The following RETREG1 variants were observed in gnomAD, a reference collection of about 807,000 sequenced individuals.
RETREG1 encodes reticulophagy regulator 1.
RETREG1 carries 44 observed loss-of-function variants against 54.8 expected under a neutral mutation model. The observed-to-expected ratio is 0.80, with a 90% CI of 0.63 to 1.03. The LOEUF is 1.03. RETREG1 is among the 50% of genes least tolerant of loss of function. The pLI, the probability that RETREG1 is intolerant of heterozygous loss-of-function variation, is 0.00. For synonymous variants in RETREG1, 217 were observed against 238.5 expected (o/e 0.91, Z 0.83); for missense variants, 554 against 605.1 (o/e 0.92, Z 0.89).
intron 2 of RETREG1, among the ~76,000 whole-genome samples, chr5:16,568,218 T>G (rs1043876902): frequency 6.6e-6 from 1 of 150,756 alleles, no homozygotes; most frequent in Non-Finnish European, 1.5e-5. Context: ...CAATACAAAA[T>G]AGACATGGGC....
intron 3 of RETREG1, among the ~76,000 whole-genome samples, chr5:16,501,424 A>G (rs1007310950): frequency 6.6e-6 from 1 of 152,250 alleles, no homozygotes; most frequent in Non-Finnish European, 1.5e-5. Flanking sequence ...TTTAAAATGC[A>G]AGTTTCAATT....
intron 3 of RETREG1, among the ~76,000 whole-genome samples, chr5:16,500,131 T>C (rs191480987): frequency 6.6e-6 from 1 of 152,318 alleles, no homozygotes; most frequent in Admixed American, 6.5e-5. Context: ...AGCTTGTCCA[T>C]ACGAAGTGGA....
At chr5:16,537,148 C>T (rs1296659005) in intron 3 of RETREG1, among the ~76,000 whole-genome samples, 1 of 152,224 alleles carries the variant, frequency 6.6e-6, no homozygotes, top group African/African-American at 2.4e-5. Flanking sequence ...AAGGGCCAGG[C>T]CCTGCACCAA....
At chr5:16,540,806 A>G (rs1037904046) in intron 3 of RETREG1, among the ~76,000 whole-genome samples, 16 of 152,318 alleles carry the variant, frequency 1.1e-4, no homozygotes, top group African/African-American at 3.8e-4. Flanking sequence ...GAGACATGTC[A>G]TGAAGACATG....
chr5:16,528,544 G>A (rs1043484770), intron 3 of RETREG1, among the ~76,000 whole-genome samples: 4 of 152,154 alleles, frequency 2.6e-5, no homozygotes, highest in African/African-American at 9.7e-5. Context: ...AGATTAGGGG[G>A]CCAAGGAGGA....
intron 1 of RETREG1, among the ~76,000 whole-genome samples, chr5:16,596,589 T>C (rs1331279767): frequency 3.9e-5 from 6 of 152,202 alleles, no homozygotes; most frequent in East Asian, 1.9e-4. Flanking sequence ...GACCAAAGTA[T>C]GAATTCTCTT....
intron 3 of RETREG1, among the ~76,000 whole-genome samples, chr5:16,564,710 C>T (rs1741961016): frequency 6.6e-6 from 1 of 152,170 alleles, no homozygotes; most frequent in Non-Finnish European, 1.5e-5. Context: ...CGTTTCTCTT[C>T]TTATATCCAA....
At chr5:16,500,771 G>A (rs887471038) in intron 3 of RETREG1, among the ~76,000 whole-genome samples, 42 of 152,040 alleles carry the variant, frequency 2.8e-4, no homozygotes, top group Admixed American at 2.1e-3. Flanking sequence ...CAATGTTCAC[G>A]CGCGTTAAAG....
In RETREG1 at chr5:16,572,609, T is replaced by C. The variant is rs375625234; in HGVS notation, c.321-507A>G. ...ATGAAAGTGTCTGAGCCTGCGCGCT[T>C]TTGTGCTAAGCTTTCTGCTCTACCC... On this transcript the variant is annotated intron_variant, in intron 1 of 8. Coordinates refer to ENST00000306320, the MANE Select transcript of RETREG1 (RefSeq NM_001034850.3). Among the ~76,000 whole-genome samples the C allele has an allele frequency of 1.4e-3, 213 of 152,312 alleles. 2 individuals are homozygous for C. Among genetic ancestry groups the C allele is most frequent in the African/African-American group, 4.9e-3 (202 of 41,570 alleles).
chr5:16,540,440 A>G lies in RETREG1; in HGVS notation c.458+25323T>C, dbSNP rs116683693. ...GCTAAGTAACGGATTCCTTTCCACCATGAATTCAGTTATTACAGAAAGGAT... is the reference window on the plus strand; with the variant it reads ...GCTAAGTAACGGATTCCTTTCCACCGTGAATTCAGTTATTACAGAAAGGAT... On this transcript the variant is annotated intron_variant, in intron 3 of 8. Coordinates refer to ENST00000306320, the MANE Select transcript of RETREG1 (RefSeq NM_001034850.3). Among the ~76,000 whole-genome samples, 349 of 152,354 alleles carry G rather than the reference A, an allele frequency of 2.3e-3. 1 individual carries two copies. Among genetic ancestry groups the G allele is most frequent in the African/African-American group, 7.8e-3 (323 of 41,596 alleles).
intron 3 of RETREG1, among the ~76,000 whole-genome samples, chr5:16,530,628 T>G (rs1740884203): frequency 6.6e-6 from 1 of 152,148 alleles, no homozygotes; most frequent in Admixed American, 6.5e-5. Context: ...ATCCCAGCAC[T>G]TTGGGAGGCC....
chr5:16,616,568 T>C, intron 1 of RETREG1, 84 bp downstream of exon 1: 1 of 1,520,346 alleles, frequency 6.6e-7, no homozygotes, highest in Non-Finnish European at 8.8e-7. Flanking sequence ...TCCCGCGGGC[T>C]CCCCCTGCAC....
chr5:16,542,075 A>G (rs1741267822), intron 3 of RETREG1, among the ~76,000 whole-genome samples: 1 of 152,236 alleles, frequency 6.6e-6, no homozygotes, highest in Non-Finnish European at 1.5e-5. Context: ...CATTTAAAGC[A>G]GGAAAGTTGG....
chr5:16,525,331 G>A lies in RETREG1; in HGVS notation c.458+40432C>T, dbSNP rs72494108. Among the ~76,000 whole-genome samples the A allele has an allele frequency of 3.1e-3, 336 of 108,488 alleles. No homozygotes were observed. The East Asian group carries it at 0.034, about 11-fold the overall frequency. 71.2% of individuals were successfully genotyped at this position (108,488 alleles called of 152,430 possible). A position where few individuals can be genotyped will look rare whatever the true frequency, so the allele number is the denominator to read the frequency against. ...CTCCAGCCCCAACAGGTGGATGTGC[G>A]CGGGTAACACTGTGCTGATCTGCGT... On this transcript the variant is annotated intron_variant, in intron 3 of 8. Coordinates refer to ENST00000306320, the MANE Select transcript of RETREG1 (RefSeq NM_001034850.3).
At position 16,616,785 on chromosome 5, in the gene RETREG1, G is replaced by A. The variant is rs1431247597; in HGVS notation, c.187C>T (p.Arg63Trp). The change falls in exon 1 of 9, where the codon CGG becomes TGG. Residue 63 changes from arginine (R) to tryptophan (W), a missense_variant. By Grantham distance (101) the Arg-to-Trp change is moderately radical. Around this residue, in one of 4 missense-constraint regions of RETREG1, gnomAD observed 175 missense variants for 142.1 expected, o/e 1.23. Transcript: ENST00000306320. Reference sequence around the variant, plus strand: ...AGCCAGGTTACCGCGGCCGCCGCCCGGCCCGCGGCCTCCTCCACCTGCAAC... The same window carrying A: ...AGCCAGGTTACCGCGGCCGCCGCCCAGCCCGCGGCCTCCTCCACCTGCAAC... ...AGLQVEEAAG[R>W]AAAAVTWLLG... 3 of 1,530,502 alleles carry A rather than the reference G, an allele frequency of 2.0e-6. No individual in the cohort carries two copies. The highest frequency in any genetic ancestry group is 2.8e-5 in the African/African-American group (2 of 71,544). 94.8% of individuals were successfully genotyped at this position (1,530,502 alleles called of 1,614,324 possible). A position where few individuals can be genotyped will look rare whatever the true frequency, so the allele number is the denominator to read the frequency against.
In RETREG1 at chr5:16,573,901, C is replaced by T. The variant is rs73051606; in HGVS notation, c.321-1799G>A. On this transcript the variant is annotated intron_variant, in intron 1 of 8. Coordinates refer to ENST00000306320, the MANE Select transcript of RETREG1 (RefSeq NM_001034850.3). ...CTGGAAATATAGGTGTCTGCCACCA[C>T]GCCCAGCTAATTTATTTGTATTTTT... 1.0e-3 allele frequency among the ~76,000 whole-genome samples: 152 copies of T among 152,114 alleles called. 2 individuals are homozygous for T. The highest frequency in any genetic ancestry group is 3.4e-3 in the African/African-American group (143 of 41,512).
intron 3 of RETREG1, among the ~76,000 whole-genome samples, chr5:16,528,993 A>G (rs1172479785): frequency 6.6e-6 from 1 of 152,238 alleles, no homozygotes; most frequent in African/African-American, 2.4e-5. Context: ...ATATTTTGAA[A>G]TTGAGTAAAA....
chr5:16,616,766 G>T lies in RETREG1; in HGVS notation c.206C>A (p.Thr69Asn), dbSNP rs1441540433. Residue 69 changes from threonine to asparagine, a missense_variant, in exon 1 of 9, where the codon ACC becomes AAC. Around this residue, in one of 4 missense-constraint regions of RETREG1, gnomAD observed 175 missense variants for 142.1 expected, o/e 1.23. Coordinates refer to ENST00000306320, the MANE Select transcript of RETREG1 (RefSeq NM_001034850.3). ...CAGCACCGGCTCCCCGAGCAGCCAG[G>T]TTACCGCGGCCGCCGCCCGGCCCGC... ...EAAGRAAAAV[T>N]WLLGEPVLWL... The T allele has an allele frequency of 1.3e-6, 2 of 1,550,968 alleles. No individual in the cohort carries two copies.
At chr5:16,492,185 T>C (rs2126535016) in intron 3 of RETREG1, among the ~76,000 whole-genome samples, 1 of 149,668 alleles carries the variant, frequency 6.7e-6, no homozygotes, top group South Asian at 2.1e-4. Context: ...GAGAACATTT[T>C]CAGACAGTGT....
Sources: gnomAD v4.1 joint callset for allele counts (sites outside exome capture counted in the v4.1 genomes callset) on GRCh38, gnomAD v4.1.1 for gene constraint, gnomAD v4.1.1 regional missense constraint, MANE v1.5 for transcripts, NCBI Gene and HGNC (gene_info 2026-07-23, HGNC 2026-07-21) for gene names.